Variants in SERTAD2 observed in about 807,000 individuals in gnomAD.
SERTAD2 encodes SERTA domain-containing protein 2.
In SERTAD2, 2 loss-of-function variants were observed where a neutral mutation model predicts 15.4. The ratio of observed to expected loss-of-function variants is 0.13; its 90% CI spans 0.05 to 0.41. The LOEUF (loss-of-function observed/expected upper bound fraction) is 0.41. Ranked by LOEUF, SERTAD2 falls within the 10% of genes least tolerant of loss-of-function variation. SERTAD2 has a pLI of 0.99. For synonymous variants in SERTAD2, 180 were observed against 178.0 expected, an observed-to-expected ratio of 1.01 and a Z score of -0.09; for missense variants, 333 against 409.7, an observed-to-expected ratio of 0.81 and a Z score of 1.62.
chr2:64,633,767 G>A lies in SERTAD2; in HGVS notation c.*2160C>T, dbSNP rs988429730. On this transcript the variant is annotated 3_prime_UTR_variant, in exon 2 of 2. Transcript: ENST00000313349. The stretch of plus-strand genomic sequence containing the variant: ...TGTAGCAGTACGAGGTGTCTGCGTG[G>A]AGGTTGCTTGTAGGAGAACAAGTGC... The A allele has an allele frequency of 2.6e-5, 4 of 152,210 alleles. No homozygotes were observed. The highest frequency in any genetic ancestry group is 7.2e-5 in the African/African-American group (3 of 41,450). 9.4% of individuals were successfully genotyped at this position (152,210 alleles called of 1,614,324 possible).
At chr2:64,639,220 C>T (rs1674720779) in intron 1 of SERTAD2, among the ~76,000 whole-genome samples, 1 of 152,188 alleles carries the variant, frequency 6.6e-6, no homozygotes, top group Non-Finnish European at 1.5e-5. Flanking sequence ...ACAGATGGTG[C>T]CTGTCTGCGA....
intron 1 of SERTAD2, among the ~76,000 whole-genome samples, chr2:64,641,191 C>A (rs147242079): frequency 2.6e-5 from 4 of 152,134 alleles, no homozygotes; most frequent in Non-Finnish European, 4.4e-5. Context: ...TTAGGAAGGA[C>A]CCTGCCTTCA....
intron 1 of SERTAD2, among the ~76,000 whole-genome samples, chr2:64,648,183 T>C (rs1308954581): frequency 2.0e-5 from 3 of 152,186 alleles, no homozygotes; most frequent in Admixed American, 2.0e-4. Flanking sequence ...ACTTGAGACA[T>C]GCAAATGGAA....
Position 64,636,405 on chromosome 2 carries a change from T to C in SERTAD2, c.467A>G (p.Lys156Arg), listed in dbSNP as rs1674658829. Residue 156 changes from lysine (K) to arginine (R), a missense_variant, in exon 2 of 2, where the codon AAA (lysine) becomes AGA (arginine). Physicochemically the swap from Lys to Arg is conservative, Grantham distance 26. Coordinates refer to ENST00000313349, the MANE Select transcript of SERTAD2 (RefSeq NM_014755.3). The part of the protein sequence containing the change: ...SQAMQPTAPT[K>R]LSPPALLPEK... ...TGGCAAGAGGGCTGGAGGTGACAGT[T>C]TGGTGGGAGCCGTGGGCTGCATGGC... 12 of 1,614,056 alleles carry C rather than the reference T, an allele frequency of 7.4e-6. No homozygotes were observed. The highest frequency in any genetic ancestry group is 1.0e-5 in the Non-Finnish European group (12 of 1,180,002).
intron 1 of SERTAD2, among the ~76,000 whole-genome samples, chr2:64,644,214 T>C (rs981287150): frequency 3.9e-5 from 6 of 152,258 alleles, no homozygotes; most frequent in African/African-American, 7.2e-5. Flanking sequence ...GTGGTGGTGG[T>C]AGAAGAAAGG....
Position 64,634,679 on chromosome 2 carries a change from G to A in SERTAD2, c.*1248C>T, listed in dbSNP as rs1674616062. On this transcript the variant is annotated 3_prime_UTR_variant, in exon 2 of 2. Coordinates refer to ENST00000313349, the MANE Select transcript of SERTAD2 (RefSeq NM_014755.3). ...CAGAAGACAATTAAGCAACATGATG[G>A]ATGCCTTCTGGGGAGATTTTCTTCT... is the stretch of plus-strand genomic sequence containing the variant. 2 of 152,200 alleles carry A rather than the reference G, an allele frequency of 1.3e-5. No homozygotes were observed. Among genetic ancestry groups the A allele is most frequent in the South Asian group, 4.1e-4 (2 of 4,832 alleles). 9.4% of individuals were successfully genotyped at this position (152,200 alleles called of 1,614,324 possible).
Position 64,636,480 on chromosome 2 carries a change from G to A in SERTAD2, c.392C>T (p.Thr131Ile). 1 of 1,613,872 alleles carries A rather than the reference G, an allele frequency of 6.2e-7. No homozygotes were observed. Among genetic ancestry groups the A allele is most frequent in the Non-Finnish European group, 8.5e-7 (1 of 1,179,876 alleles). Residue 131 changes from threonine to isoleucine, a missense_variant, in exon 2 of 2, where the codon ACC becomes ATC. Thr to Ile is a moderately conservative substitution (Grantham distance 89, BLOSUM62 -1). This residue lies in a region of SERTAD2 where 332 missense variants were observed against 392.9 expected (regional missense o/e 0.84). Coordinates refer to ENST00000313349, the MANE Select transcript of SERTAD2 (RefSeq NM_014755.3). Reference protein sequence around the residue: ...GSTTPLEACLTPASLLEDDDD... With the variant: ...GSTTPLEACLIPASLLEDDDD... ...GTCGTCCTCGAGCAGTGAGGCCGGG[G>A]TGAGGCAGGCCTCCAGGGGCGTAGT...
rs952946692 is a variant in SERTAD2, at chr2:64,635,530, T to C, written c.*397A>G. 2.4e-5 allele frequency: 4 copies of C among 169,060 alleles called. No homozygotes were observed. Among genetic ancestry groups the C allele is most frequent in the South Asian group, 2.7e-4 (2 of 7,476 alleles). The allele number at this position is 169,060 out of a possible 1,614,324, so 10.5% of individuals were successfully genotyped here. On this transcript the variant is annotated 3_prime_UTR_variant, in exon 2 of 2. Coordinates refer to ENST00000313349, the MANE Select transcript of SERTAD2 (RefSeq NM_014755.3). The stretch of plus-strand genomic sequence containing the variant: ...ACTGAGATTATCTAAATAAGATATA[T>C]ATATATAGTTTTCTTCTTTACCTCT...
intron 1 of SERTAD2, among the ~76,000 whole-genome samples, chr2:64,643,883 AC>A (rs1326263836): frequency 5.3e-5 from 8 of 151,920 alleles, no homozygotes; most frequent in Non-Finnish European, 1.0e-4. Context: ...ACAAAACAAA[AC>A]AAAACAAAAA....
In SERTAD2 at chr2:64,632,059, A is replaced by G. The variant is rs1044446023; in HGVS notation, c.*3868T>C. 6.6e-6 allele frequency: 1 copy of G among 152,652 alleles called. No homozygotes were observed. Among genetic ancestry groups the G allele is most frequent in the East Asian group, 1.9e-4 (1 of 5,200 alleles). The allele number at this position is 152,652 out of a possible 1,614,324, so 9.5% of individuals were successfully genotyped here. ...CTGAAAACAATTGTACATAAGCAGGATGCACACAACTCCATGCCTCCAGGT... is the reference window on the plus strand; with the variant it reads ...CTGAAAACAATTGTACATAAGCAGGGTGCACACAACTCCATGCCTCCAGGT... On this transcript the variant is annotated 3_prime_UTR_variant, in exon 2 of 2. Coordinates refer to ENST00000313349, the MANE Select transcript of SERTAD2 (RefSeq NM_014755.3).
chr2:64,641,148 A>C (rs967593410), intron 1 of SERTAD2, among the ~76,000 whole-genome samples: 1 of 152,248 alleles, frequency 6.6e-6, no homozygotes, highest in Non-Finnish European at 1.5e-5. Context: ...AACTCTGTAC[A>C]TGAAAACTAG....
At chr2:64,651,990 A>G (rs1401492957) in intron 1 of SERTAD2, among the ~76,000 whole-genome samples, 2 of 141,216 alleles carry the variant, frequency 1.4e-5, no homozygotes, top group Non-Finnish European at 3.0e-5. Context: ...TGAAACAAGT[A>G]AAAAAAAAAA....
rs993503508 is a variant in SERTAD2, at chr2:64,632,668, A to G, written c.*3259T>C. ...CATACCTTTTGCATATTTCAAATAG[A>G]CCCATATTAGAGAAGAGTAAAAATG... On this transcript the variant is annotated 3_prime_UTR_variant, in exon 2 of 2. Transcript: ENST00000313349. 3 of 152,732 alleles carry G rather than the reference A, an allele frequency of 2.0e-5. No homozygotes were observed. In the East Asian group the frequency reaches 5.8e-4, roughly 29 times the overall value. 9.5% of individuals were successfully genotyped at this position (152,732 alleles called of 1,614,324 possible).
rs886739890 is a variant in SERTAD2, at chr2:64,633,872, T to A, written c.*2055A>T. 2.6e-5 allele frequency: 4 copies of A among 152,460 alleles called. No individual in the cohort carries two copies. The highest frequency in any genetic ancestry group is 5.9e-5 in the Non-Finnish European group (4 of 68,026). 9.4% of individuals were successfully genotyped at this position (152,460 alleles called of 1,614,324 possible). ...ATTCAAGTGGGGGGAAAAAGTAAAT[T>A]AGAATGTAGAAAGCCTTTATCATAT... On this transcript the variant is annotated 3_prime_UTR_variant, in exon 2 of 2. Transcript: ENST00000313349.
intron 1 of SERTAD2, among the ~76,000 whole-genome samples, chr2:64,650,300 T>G (rs948286140): frequency 6.6e-6 from 1 of 152,188 alleles, no homozygotes; most frequent in Non-Finnish European, 1.5e-5. Flanking sequence ...AAATTTTCAT[T>G]TGTATTTCAA....
At chr2:64,638,442 A>T (rs1674705617) in intron 1 of SERTAD2, among the ~76,000 whole-genome samples, 1 of 152,238 alleles carries the variant, frequency 6.6e-6, no homozygotes, top group Non-Finnish European at 1.5e-5. Flanking sequence ...AATGGAATAT[A>T]AACTTCACAG....
At chr2:64,644,379 G>A (rs1016057572) in intron 1 of SERTAD2, among the ~76,000 whole-genome samples, 3 of 152,208 alleles carry the variant, frequency 2.0e-5, no homozygotes, top group Non-Finnish European at 2.9e-5. Context: ...AGTGCGTTTA[G>A]GACCCTGCTT....
At chr2:64,642,748 G>A (rs1188996917) in intron 1 of SERTAD2, among the ~76,000 whole-genome samples, 1 of 152,172 alleles carries the variant, frequency 6.6e-6, no homozygotes, top group African/African-American at 2.4e-5. Flanking sequence ...TGTGGGGGCT[G>A]TAGGAGGCCG....
rs1447384461 is a variant in SERTAD2, at chr2:64,634,422, CCTGT to C, written c.*1501_*1504del. The stretch of plus-strand genomic sequence containing the variant: ...AGGAGGGAAAACATGCATAGAAAGT[CCTGT>C]CTGAGTTTTGGGGTAAAACAGCCTT... On this transcript the variant is annotated 3_prime_UTR_variant, in exon 2 of 2. Transcript: ENST00000313349. 4 of 152,134 alleles carry C rather than the reference CCTGT, an allele frequency of 2.6e-5. No homozygotes were observed. The highest frequency in any genetic ancestry group is 5.9e-5 in the Non-Finnish European group (4 of 68,022). The allele number at this position is 152,134 out of a possible 1,614,324, so 9.4% of individuals were successfully genotyped here.
Sources: allele counts gnomAD v4.1 joint callset (sites outside exome capture counted in the v4.1 genomes callset), GRCh38; gene constraint gnomAD v4.1.1; regional missense constraint gnomAD v4.1.1; transcripts MANE v1.5; gene names NCBI Gene and HGNC (gene_info 2026-07-23, HGNC 2026-07-21).